RAB10: variants seen among roughly 807,000 people sequenced by gnomAD.
The protein encoded by RAB10 is ras-related protein Rab-10.
RAB10 carries 5 observed loss-of-function variants against 25.7 expected under a neutral mutation model. That is an observed-to-expected ratio of 0.19 (90% CI 0.10 to 0.41). The LOEUF is 0.41. Ranked by LOEUF, RAB10 falls within the 10% of genes least tolerant of loss-of-function variation. RAB10 has a pLI of 1.00. For missense variants in RAB10, 103 were observed against 245.8 expected, an observed-to-expected ratio of 0.42 and a Z score of 3.89; for synonymous variants, 89 against 86.4, an observed-to-expected ratio of 1.03 and a Z score of -0.16.
chr2:26,129,268 CAAAAAAAAAAAAAA>C, intron 5 of RAB10, among the ~76,000 whole-genome samples: 1 of 133,606 alleles, frequency 7.5e-6, no homozygotes, highest in East Asian at 2.1e-4. Flanking sequence ...GACTCCATCT[CAAAAAAAAAAAAAA>C]AAAAAAAAAA....
intron 1 of RAB10, among the ~76,000 whole-genome samples, chr2:26,065,804 C>T (rs74727282): frequency 6.6e-6 from 1 of 152,048 alleles, no homozygotes; most frequent in Non-Finnish European, 1.5e-5. Context: ...TGTACATTTC[C>T]ACATCTACAG....
At chr2:26,076,585 G>C (rs1334925823) in intron 1 of RAB10, among the ~76,000 whole-genome samples, 1 of 152,074 alleles carries the variant, frequency 6.6e-6, no homozygotes, top group Non-Finnish European at 1.5e-5. Flanking sequence ...GGCAAAATGG[G>C]GTTTCATCGC....
intron 3 of RAB10, among the ~76,000 whole-genome samples, chr2:26,110,969 G>C (rs1245464713): frequency 1.4e-4 from 21 of 152,184 alleles, no homozygotes. Context: ...GCCTCCTGAA[G>C]TGCTAGGATT....
At chr2:26,079,577 G>T (rs1432192479) in intron 1 of RAB10, among the ~76,000 whole-genome samples, 1 of 151,314 alleles carries the variant, frequency 6.6e-6, no homozygotes, top group African/African-American at 2.4e-5. Context: ...TGATGCTGAG[G>T]TAGCAGTAAA....
At chr2:26,089,006 T>A (rs1313057147) in intron 1 of RAB10, among the ~76,000 whole-genome samples, 1 of 152,104 alleles carries the variant, frequency 6.6e-6, no homozygotes, top group Non-Finnish European at 1.5e-5. Flanking sequence ...AACCATGATA[T>A]TTACTTGAAA....
At chr2:26,119,350 G>C (rs1297953353) in intron 3 of RAB10, among the ~76,000 whole-genome samples, 1 of 152,088 alleles carries the variant, frequency 6.6e-6, no homozygotes, top group East Asian at 1.9e-4. Context: ...GATCAAGGCT[G>C]TAGTGAGCTG....
At chr2:26,129,964 T>C (rs1055459378) in intron 5 of RAB10, among the ~76,000 whole-genome samples, 1 of 152,214 alleles carries the variant, frequency 6.6e-6, no homozygotes, top group African/African-American at 2.4e-5. Context: ...AACATACATA[T>C]GTACACGCAG....
chr2:26,067,674 C>A (rs772203549), intron 1 of RAB10, among the ~76,000 whole-genome samples: 2 of 152,192 alleles, frequency 1.3e-5, no homozygotes, highest in Non-Finnish European at 2.9e-5. Context: ...AGAAAAGAGG[C>A]AGACTACCAC....
chr2:26,116,840 G>A (rs1039583231), intron 3 of RAB10, among the ~76,000 whole-genome samples: 1 of 151,130 alleles, frequency 6.6e-6, no homozygotes, highest in African/African-American at 2.4e-5. Context: ...ACAGGCGTGA[G>A]CCACCACGCC....
chr2:26,103,323 A>G (rs545367188), intron 2 of RAB10, among the ~76,000 whole-genome samples: 1 of 152,234 alleles, frequency 6.6e-6, no homozygotes, highest in Non-Finnish European at 1.5e-5. Flanking sequence ...GAAACCAGTC[A>G]TATGCAGGTA....
intron 1 of RAB10, among the ~76,000 whole-genome samples, chr2:26,078,525 G>T (rs1433828256): frequency 1.3e-5 from 2 of 152,144 alleles, no homozygotes; most frequent in Non-Finnish European, 2.9e-5. Context: ...TTTCTGGTCA[G>T]CTGATTTTTG....
chr2:26,108,882 T>C (rs1289044234), intron 2 of RAB10, among the ~76,000 whole-genome samples: 5 of 4,996 alleles, frequency 1.0e-3, no homozygotes, highest in Non-Finnish European at 6.6e-3. Flanking sequence ...TTGCTTTATA[T>C]TTATTTATTT....
chr2:26,132,502 C>T (rs1668029685), intron 5 of RAB10, among the ~76,000 whole-genome samples: 1 of 152,230 alleles, frequency 6.6e-6, no homozygotes, highest in Non-Finnish European at 1.5e-5. Context: ...ATCTGCCCAC[C>T]TTGGCCTCCC....
intron 1 of RAB10, among the ~76,000 whole-genome samples, chr2:26,053,281 G>C (rs536232710): frequency 6.6e-6 from 1 of 152,262 alleles, no homozygotes; most frequent in African/African-American, 2.4e-5. Flanking sequence ...TAGGATAGTG[G>C]AATGTAGTAT....
chr2:26,062,643 A>G (rs1666426738), intron 1 of RAB10, among the ~76,000 whole-genome samples: 2 of 151,688 alleles, frequency 1.3e-5, no homozygotes, highest in Admixed American at 6.6e-5. Flanking sequence ...ATGCTACTCC[A>G]CTCCAGCCTG....
Position 26,110,056 on chromosome 2 carries a change from G to T in RAB10, c.327+150G>T. The T allele has an allele frequency of 5.1e-6, 5 of 980,038 alleles. No individual in the cohort carries two copies. In the East Asian group the frequency reaches 1.1e-4, roughly 21 times the overall value. 60.7% of individuals were successfully genotyped at this position (980,038 alleles called of 1,614,324 possible). A position where few individuals can be genotyped will look rare whatever the true frequency, so the allele number is the denominator to read the frequency against. ...TTCTATTTTCTAAAAGTTAATGTTG[G>T]CCGGGCATGGTGGCTCATGCCTGTA... On this transcript the variant is annotated intron_variant, in intron 3 of 5. Transcript: ENST00000264710.
At chr2:26,077,487 C>A (rs940367730) in intron 1 of RAB10, among the ~76,000 whole-genome samples, 18 of 152,180 alleles carry the variant, frequency 1.2e-4, no homozygotes, top group African/African-American at 4.3e-4. Flanking sequence ...ACAAGACTTT[C>A]TTTATTCTGA....
At chr2:26,056,009 C>G (rs1327224514) in intron 1 of RAB10, among the ~76,000 whole-genome samples, 2 of 151,980 alleles carry the variant, frequency 1.3e-5, no homozygotes, top group African/African-American at 2.4e-5. Context: ...ATCCTTCCAC[C>G]TCAGCCTCCC....
chr2:26,129,115 C>A (rs1332443230), intron 5 of RAB10, among the ~76,000 whole-genome samples: 3 of 151,842 alleles, frequency 2.0e-5, no homozygotes, highest in Admixed American at 6.6e-5. Flanking sequence ...ACTAAAAATA[C>A]AAAAATTAGC....
Sources: allele counts gnomAD v4.1 joint callset (sites outside exome capture counted in the v4.1 genomes callset), GRCh38; gene constraint gnomAD v4.1.1; transcripts MANE v1.5; gene names NCBI Gene and HGNC (gene_info 2026-07-23, HGNC 2026-07-21).